The following ATP8A2 variants were observed in gnomAD, a reference collection of about 807,000 sequenced individuals.
ATP8A2 encodes the protein phospholipid-transporting ATPase IB.
Under a neutral mutation model 165.6 loss-of-function variants are expected in ATP8A2, and 100 were observed. The observed-to-expected ratio is 0.60, with a 90% CI of 0.51 to 0.71. The LOEUF is 0.71. Ranked by LOEUF, ATP8A2 falls within the 30% of genes least tolerant of loss-of-function variation. ATP8A2 has a pLI of 0.00. For missense variants in ATP8A2, 1,227 were observed against 1,479.5 expected (o/e 0.83, Z 2.80); for synonymous variants, 543 against 548.8 (o/e 0.99, Z 0.15).
At chr13:25,684,101 A>T (rs1031047392) in intron 24 of ATP8A2, among the ~76,000 whole-genome samples, 1 of 152,228 alleles carries the variant, frequency 6.6e-6, no homozygotes, top group African/African-American at 2.4e-5. Flanking sequence ...GATATAATAA[A>T]AAGGCTTCCG....
chr13:25,494,840 G>A (rs1484505352), intron 2 of ATP8A2, among the ~76,000 whole-genome samples: 1 of 152,198 alleles, frequency 6.6e-6, no homozygotes, highest in Non-Finnish European at 1.5e-5. Context: ...TCACAGTGAT[G>A]TCAGCAAAAT....
At chr13:25,854,744 C>A (rs765778589) in intron 30 of ATP8A2, among the ~76,000 whole-genome samples, 18 of 152,190 alleles carry the variant, frequency 1.2e-4, no homozygotes, top group Non-Finnish European at 2.2e-4. Context: ...CCAATACAGT[C>A]GCCATTAGCC....
chr13:25,531,245 T>TTATATATGATATATATGATATATATGA (rs201407069), intron 4 of ATP8A2, among the ~76,000 whole-genome samples: 1 of 90,500 alleles, frequency 1.1e-5, no homozygotes, highest in African/African-American at 4.3e-5. Flanking sequence ...GATATATATG[T>TTATATATGATATATATGATATATATGA]TATATATGAT....
chr13:26,012,012 G>A (rs1384383801), intron 35 of ATP8A2, among the ~76,000 whole-genome samples: 1 of 152,204 alleles, frequency 6.6e-6, no homozygotes, highest in Admixed American at 6.5e-5. Context: ...CAACCTTGAA[G>A]GGAATAGGTT....
Position 26,007,893 on chromosome 13 carries a change from T to C in ATP8A2, c.3378-4638T>C, listed in dbSNP as rs1386549433. On this transcript the variant is annotated intron_variant, in intron 35 of 36. Transcript: ENST00000381655. ...CATAAAGTTGCAAATTTTGTAGGGA[T>C]GCCATTTTAGTGAAACAGAAACTAG... Among the ~76,000 whole-genome samples, 3 of 152,142 alleles carry C rather than the reference T, an allele frequency of 2.0e-5. No individual in the cohort carries two copies. In the East Asian group the frequency reaches 5.8e-4, roughly 29 times the overall value.
intron 2 of ATP8A2, among the ~76,000 whole-genome samples, chr13:25,488,709 GA>G (rs948507913): frequency 6.6e-6 from 1 of 152,048 alleles, no homozygotes; most frequent in Non-Finnish European, 1.5e-5. Context: ...GTCTCAAGAA[GA>G]AAAAAACCAA....
intron 24 of ATP8A2, among the ~76,000 whole-genome samples, chr13:25,625,492 A>G (rs2041078259): frequency 6.6e-6 from 1 of 152,234 alleles, no homozygotes; most frequent in Admixed American, 6.5e-5. Flanking sequence ...TCAGCAATTC[A>G]AAGATTATTA....
chr13:25,877,919 A>C (rs1952861513), intron 33 of ATP8A2, among the ~76,000 whole-genome samples: 2 of 152,216 alleles, frequency 1.3e-5, no homozygotes, highest in African/African-American at 2.4e-5. Context: ...TAACAGTGTC[A>C]CCTGTGTATA....
At chr13:25,942,375 G>C (rs1955094145) in intron 33 of ATP8A2, among the ~76,000 whole-genome samples, 1 of 152,082 alleles carries the variant, frequency 6.6e-6, no homozygotes, top group East Asian at 1.9e-4. Flanking sequence ...TTTTTTTATG[G>C]TGTCTTTTAG....
In ATP8A2 at chr13:25,538,163, A is replaced by G. The variant is rs75841362; in HGVS notation, c.581+102A>G. ...CTTGAGCAGCCTGTTCCCTTCTACC[A>G]TCCTCTCTCTGTCCCATTCTTCCAT... On this transcript the variant is annotated intron_variant, in intron 7 of 36. Coordinates refer to ENST00000381655, the MANE Select transcript of ATP8A2 (RefSeq NM_016529.6). 1.0e-3 allele frequency: 720 copies of G among 708,242 alleles called. 7 individuals are homozygous for G. In the African/African-American group the frequency reaches 0.011, roughly 11 times the overall value. 43.9% of individuals were successfully genotyped at this position (708,242 alleles called of 1,614,324 possible). A position where few individuals can be genotyped will look rare whatever the true frequency, so the allele number is the denominator to read the frequency against.
intron 35 of ATP8A2, among the ~76,000 whole-genome samples, chr13:26,008,913 A>G (rs1956792084): frequency 6.6e-6 from 1 of 152,242 alleles, no homozygotes; most frequent in African/African-American, 2.4e-5. Flanking sequence ...ATAATAAAGT[A>G]TTCCTCTAAA....
At chr13:25,418,178 A>G (rs760928661) in intron 1 of ATP8A2, among the ~76,000 whole-genome samples, 9 of 152,164 alleles carry the variant, frequency 5.9e-5, no homozygotes. Flanking sequence ...CTCCCAATGA[A>G]TACATACCCT....
chr13:26,001,302 G>A (rs9553696), intron 35 of ATP8A2, among the ~76,000 whole-genome samples: 91,645 of 152,036 alleles, frequency 0.6, 27,975 homozygotes, highest in East Asian at 0.81. Flanking sequence ...CATTTGGGTC[G>A]TTTCTACTTT....
rs866117190 is a variant in ATP8A2 at position 25,953,932 on chromosome 13, C to T, written c.3184-7643C>T. Among the ~76,000 whole-genome samples the T allele has an allele frequency of 6.7e-6, 1 of 150,166 alleles. No individual in the cohort carries two copies. Among genetic ancestry groups the T allele is most frequent in the African/African-American group, 2.5e-5 (1 of 40,414 alleles). On this transcript the variant is annotated intron_variant, in intron 33 of 36. Coordinates refer to ENST00000381655, the MANE Select transcript of ATP8A2 (RefSeq NM_016529.6). This position sits in a 1 kb window ranked among gnomAD's most constrained non-coding sequence, Gnocchi z 6.7. ...CAAGCACAAAACTGCATGGCTGTTTCGGCAGACACCGAGCTAGCTGCAGGA... is the reference window on the plus strand; with the variant it reads ...CAAGCACAAAACTGCATGGCTGTTTTGGCAGACACCGAGCTAGCTGCAGGA...
intron 25 of ATP8A2, among the ~76,000 whole-genome samples, chr13:25,739,478 A>T (rs1469446415): frequency 6.6e-6 from 1 of 152,220 alleles, no homozygotes; most frequent in African/African-American, 2.4e-5. Context: ...AGCAGTCTTA[A>T]TATAACGTAG....
intron 13 of ATP8A2, among the ~76,000 whole-genome samples, chr13:25,558,536 TTCTCTGGGA>T (rs1297666317): frequency 6.6e-6 from 1 of 152,166 alleles, no homozygotes; most frequent in Non-Finnish European, 1.5e-5. Flanking sequence ...CCTAGACCAG[TTCTCTGGGA>T]TCTCTGGAAG....
intron 34 of ATP8A2, among the ~76,000 whole-genome samples, chr13:25,963,356 T>G (rs1485631288): frequency 2.8e-5 from 4 of 140,622 alleles, no homozygotes; most frequent in African/African-American, 1.1e-4. Flanking sequence ...ATCGTGCCAC[T>G]GCACTCCAGC....
At chr13:25,875,705 G>A (rs969422554) in intron 33 of ATP8A2, among the ~76,000 whole-genome samples, 4 of 149,418 alleles carry the variant, frequency 2.7e-5, no homozygotes, top group African/African-American at 1.0e-4. Context: ...CAGCCCAACT[G>A]TTTTAGCCAC....
At chr13:25,538,096 A>C in intron 7 of ATP8A2, 35 bp downstream of exon 7, 4 of 1,546,582 alleles carry the variant, frequency 2.6e-6, no homozygotes, top group Non-Finnish European at 3.6e-6. Context: ...TTTTGCAATA[A>C]ATGTTAAGAA....
Sources: allele counts gnomAD v4.1 joint callset (sites outside exome capture counted in the v4.1 genomes callset), GRCh38; gene constraint gnomAD v4.1.1; non-coding constraint Gnocchi (gnomAD v3.1); transcripts MANE v1.5; gene names NCBI Gene and HGNC (gene_info 2026-07-23, HGNC 2026-07-21).